Variants in SCNN1B observed in about 807,000 individuals in gnomAD.
SCNN1B encodes sodium channel epithelial 1 subunit beta, also known as epithelial sodium channel subunit beta.
Under a neutral mutation model 65.3 loss-of-function variants are expected in SCNN1B, and 46 were observed. The observed-to-expected ratio is 0.70, with a 90% CI of 0.56 to 0.90. The LOEUF (loss-of-function observed/expected upper bound fraction) is 0.90, where lower values mean the gene tolerates loss of function less well. SCNN1B is among the 40% of genes least tolerant of loss of function. SCNN1B has a pLI of 0.00. For synonymous variants in SCNN1B, 349 were observed against 330.6 expected (o/e 1.06, Z -0.60); for missense variants, 751 against 830.5 (o/e 0.90, Z 1.18).
intron 8 of SCNN1B, among the ~76,000 whole-genome samples, chr16:23,376,177 G>T (rs1962890905): frequency 6.6e-6 from 1 of 152,268 alleles, no homozygotes; most frequent in South Asian, 2.1e-4. Context: ...CTGCTGGCGA[G>T]TGTGTGCCTG....
At chr16:23,326,970 G>A (rs1336996756) in intron 1 of SCNN1B, among the ~76,000 whole-genome samples, 2 of 152,142 alleles carry the variant, frequency 1.3e-5, no homozygotes, top group East Asian at 1.9e-4. Context: ...AGGCTGGAGT[G>A]CAGTGGTGCA....
At chr16:23,305,558 A>AT (rs1160750821) in intron 1 of SCNN1B, among the ~76,000 whole-genome samples, 9 of 39,568 alleles carry the variant, frequency 2.3e-4, no homozygotes, top group African/African-American at 1.3e-3. Context: ...ATATATATAT[A>AT]TATATATATA....
chr16:23,289,571 C>A (rs1036515006), intron 2 of SCNN1B, among the ~76,000 whole-genome samples: 1 of 151,662 alleles, frequency 6.6e-6, no homozygotes, highest in Non-Finnish European at 1.5e-5. Context: ...AAAAAGAAAT[C>A]CCTCCCCAAC....
intron 2 of SCNN1B, among the ~76,000 whole-genome samples, chr16:23,349,592 G>A (rs1014701711): frequency 2.0e-5 from 3 of 152,026 alleles, no homozygotes; most frequent in Admixed American, 6.6e-5. Context: ...AGAACCTTGG[G>A]CACCCTCTGT....
At chr16:23,370,097 A>G (rs945479607) in intron 5 of SCNN1B, among the ~76,000 whole-genome samples, 1 of 151,302 alleles carries the variant, frequency 6.6e-6, no homozygotes, top group African/African-American at 2.4e-5. Flanking sequence ...TGCCCAACTA[A>G]TTTTTGTATT....
chr16:23,341,120 A>C (rs1198399736), intron 1 of SCNN1B, among the ~76,000 whole-genome samples: 1 of 152,226 alleles, frequency 6.6e-6, no homozygotes, highest in Non-Finnish European at 1.5e-5. Context: ...TGAGTCTTCT[A>C]ATCTATGAGC....
At chr16:23,338,438 A>G (rs1961988246) in intron 1 of SCNN1B, among the ~76,000 whole-genome samples, 2 of 152,352 alleles carry the variant, frequency 1.3e-5, no homozygotes, top group South Asian at 4.1e-4. Flanking sequence ...CAATAACCAG[A>G]GTCAAATCCA....
At chr16:23,295,271 T>C (rs1030956039) in intron 2 of SCNN1B, among the ~76,000 whole-genome samples, 3 of 151,980 alleles carry the variant, frequency 2.0e-5, no homozygotes, top group African/African-American at 7.3e-5. Context: ...CAGGTTGGAG[T>C]GCAGTGGTGT....
chr16:23,361,358 T>C (rs1962550562), intron 4 of SCNN1B, among the ~76,000 whole-genome samples: 1 of 152,366 alleles, frequency 6.6e-6, no homozygotes, highest in African/African-American at 2.4e-5. Flanking sequence ...GCCACTGTGC[T>C]GGCCTTTGCT....
At chr16:23,336,148 C>G (rs1300649748) in intron 1 of SCNN1B, among the ~76,000 whole-genome samples, 1 of 152,280 alleles carries the variant, frequency 6.6e-6, no homozygotes, top group East Asian at 1.9e-4. Context: ...CAGACCTGCC[C>G]TTTGACTCAC....
intron 1 of SCNN1B, among the ~76,000 whole-genome samples, chr16:23,343,509 A>AGGAAGGAAGGAAGGAAGGAAGGAAAAGG (rs1429039403): frequency 1.3e-5 from 1 of 76,476 alleles, no homozygotes; most frequent in African/African-American, 5.6e-5. Flanking sequence ...GAAGGAAGGA[A>AGGAAGGAAGGAAGGAAGGAAGGAAAAGG]AAGGAAGGAA....
chr16:23,286,969 G>A (rs1596805963), intron 2 of SCNN1B, among the ~76,000 whole-genome samples: 1 of 150,546 alleles, frequency 6.6e-6, no homozygotes, highest in East Asian at 1.9e-4. Flanking sequence ...TGTTGTTGTT[G>A]ATGTTGTTGT....
rs1484139838 is a variant in SCNN1B at position 23,304,486 on chromosome 16, T to G, written c.-9+2049T>G. On this transcript the variant is annotated intron_variant, in intron 1 of 12. Transcript: ENST00000343070. ...ACTCAGCCAGGCCACTAGTTCTGCC[T>G]GGCCATGCCCCAATGGGCAGAGGTT... 2.6e-5 allele frequency among the ~76,000 whole-genome samples: 4 copies of G among 152,236 alleles called. No homozygotes were observed. In the East Asian group the frequency reaches 7.7e-4, roughly 29 times the overall value.
chr16:23,360,633 G>A lies in SCNN1B; in HGVS notation c.776+5144G>A, dbSNP rs1211903758. On this transcript the variant is annotated intron_variant, in intron 4 of 12. Transcript: ENST00000343070. ...TTTTTTGAGACGGAGTTTTGTTCTT[G>A]CCCCCAGGCTGGAATACAATGGCAT... Among the ~76,000 whole-genome samples, 5 of 62,524 alleles carry A rather than the reference G, an allele frequency of 8.0e-5. No individual in the cohort carries two copies. In the East Asian group the frequency reaches 2.6e-3, roughly 32 times the overall value. The allele number at this position is 62,524 out of a possible 152,430, so 41.0% of individuals were successfully genotyped here.
At position 23,355,439 on chromosome 16, in the gene SCNN1B, C is replaced by T. The variant is rs148125384; in HGVS notation, c.726C>T (p.Gly242=). The T allele has an allele frequency of 6.8e-6, 11 of 1,614,220 alleles. No individual in the cohort carries two copies. The highest frequency in any genetic ancestry group is 5.0e-5 in the Admixed American group (3 of 60,028). The part of the protein sequence containing the change: ...QQELVEMSYP[G]EQMILACLFG... ...AGCTAGTAGAGATGAGCTACCCCGG[C>T]GAGCAGATGATCCTGGCCTGCCTAT... is the stretch of plus-strand genomic sequence containing the variant. Residue 242 remains glycine, a synonymous_variant, in exon 4 of 13, where the codon GGC becomes GGT. Coordinates refer to ENST00000343070, the MANE Select transcript of SCNN1B (RefSeq NM_000336.3).
chr16:23,329,560 G>A (rs2141999999), intron 1 of SCNN1B, among the ~76,000 whole-genome samples: 1 of 152,310 alleles, frequency 6.6e-6, no homozygotes, highest in East Asian at 1.9e-4. Flanking sequence ...CTCGGAGGTA[G>A]GTGTAATACT....
intron 1 of SCNN1B, among the ~76,000 whole-genome samples, chr16:23,332,341 G>T (rs949888870): frequency 1.3e-5 from 2 of 151,760 alleles, no homozygotes; most frequent in Admixed American, 6.6e-5. Flanking sequence ...GATTACAGGC[G>T]CCCACCACCA....
Position 23,371,328 on chromosome 16 carries a change from G to A in SCNN1B, c.910G>A (p.Glu304Lys). The part of the protein sequence containing the change: ...GLKLILDIGQ[E>K]DYVPFLASTA... Reference sequence around the variant, plus strand: ...GAAGTTGATCCTGGACATAGGCCAGGAAGACTACGTCCCCTTCCTTGCGTC... The same window carrying A: ...GAAGTTGATCCTGGACATAGGCCAGAAAGACTACGTCCCCTTCCTTGCGTC... Residue 304 changes from glutamate (E) to lysine (K), a missense_variant, in exon 6 of 13, where the codon GAA (glutamate) becomes AAA (lysine). Glu to Lys is a moderately conservative substitution (Grantham distance 56). Coordinates refer to ENST00000343070, the MANE Select transcript of SCNN1B (RefSeq NM_000336.3). The A allele has an allele frequency of 3.7e-6, 6 of 1,614,172 alleles. No homozygotes were observed. The South Asian group carries it at 6.6e-5, about 18-fold the overall frequency.
At chr16:23,301,610 G>A (rs1170491114), upstream of SCNN1B, among the ~76,000 whole-genome samples, 2 of 152,208 alleles carry the variant, frequency 1.3e-5, no homozygotes, top group East Asian at 1.9e-4. Context: ...TTGATGAGAA[G>A]AGAAAAGAAA....
Sources: gnomAD v4.1 joint callset for allele counts (sites outside exome capture counted in the v4.1 genomes callset) on GRCh38, gnomAD v4.1.1 for gene constraint, MANE v1.5 for transcripts, NCBI Gene and HGNC (gene_info 2026-07-23, HGNC 2026-07-21) for gene names.